The following PGCKA1 variants were observed in gnomAD, a reference collection of about 807,000 sequenced individuals.
PGCKA1 encodes the protein PDCD10 and GCKIII kinases associated 1.
At chr4:37,548,191 G>A in the PGCKA1 span, among the ~76,000 whole-genome samples, 1 of 151,664 alleles carries the variant, frequency 6.6e-6, no homozygotes, top group African/African-American at 2.4e-5. Context: ...ATAAAAAAAA[G>A]TTATGCAAAA....
chr4:37,570,278 A>G, the PGCKA1 span, among the ~76,000 whole-genome samples: 1 of 150,856 alleles, frequency 6.6e-6, no homozygotes, highest in Non-Finnish European at 1.5e-5. Context: ...GATTACAGGC[A>G]TGAGCCACCG....
the PGCKA1 span, among the ~76,000 whole-genome samples, chr4:37,538,086 C>CACACACAT: frequency 6.6e-6 from 1 of 151,888 alleles, no homozygotes; most frequent in African/African-American, 2.4e-5. Context: ...CACACACACA[C>CACACACAT]GCACACCCAT....
At chr4:37,553,578 A>G in the PGCKA1 span, among the ~76,000 whole-genome samples, 2 of 152,244 alleles carry the variant, frequency 1.3e-5, no homozygotes, top group Non-Finnish European at 2.9e-5. Context: ...CCATTATCTT[A>G]CGTAACACAA....
At chr4:37,500,126 G>A in the PGCKA1 span, among the ~76,000 whole-genome samples, 1 of 151,938 alleles carries the variant, frequency 6.6e-6, no homozygotes, top group Non-Finnish European at 1.5e-5. Context: ...GGGTTTCACT[G>A]TGTTAGCCAG....
chr4:37,506,314 T>G, the PGCKA1 span, among the ~76,000 whole-genome samples: 1 of 152,154 alleles, frequency 6.6e-6, no homozygotes, highest in East Asian at 1.9e-4. Context: ...TCTTCTAATT[T>G]TGGGGTGGTT....
the PGCKA1 span, among the ~76,000 whole-genome samples, chr4:37,522,159 T>A: frequency 2.2e-4 from 34 of 152,262 alleles, no homozygotes; most frequent in African/African-American, 7.9e-4. Context: ...GTCCTTTTGT[T>A]CAGGGCAGCA....
At chr4:37,462,075 C>T in the PGCKA1 span, among the ~76,000 whole-genome samples, 1 of 150,676 alleles carries the variant, frequency 6.6e-6, no homozygotes, top group East Asian at 1.9e-4. Context: ...AAGGCAGCTT[C>T]CCCCATTCCT....
At chr4:37,465,272 A>G in the PGCKA1 span, among the ~76,000 whole-genome samples, 2 of 152,070 alleles carry the variant, frequency 1.3e-5, no homozygotes, top group Non-Finnish European at 2.9e-5. Context: ...TAAAACCTAA[A>G]TACCCTTTTA....
the PGCKA1 span, among the ~76,000 whole-genome samples, chr4:37,556,420 A>G: frequency 6.6e-6 from 1 of 150,772 alleles, no homozygotes; most frequent in African/African-American, 2.5e-5. Flanking sequence ...GGCACCTGCC[A>G]CCACACCAGG....
chr4:37,539,916 C>T, the PGCKA1 span, among the ~76,000 whole-genome samples: 560 of 152,172 alleles, frequency 3.7e-3, 4 homozygotes, highest in African/African-American at 0.012. Flanking sequence ...TGCAACAGCA[C>T]GCATTTATCA....
At chr4:37,512,410 T>C in the PGCKA1 span, among the ~76,000 whole-genome samples, 1 of 151,974 alleles carries the variant, frequency 6.6e-6, no homozygotes, top group African/African-American at 2.4e-5. Flanking sequence ...TTTCCAAATG[T>C]TTCCTGTGAG....
chr4:37,473,446 T>C, the PGCKA1 span, among the ~76,000 whole-genome samples: 1 of 152,202 alleles, frequency 6.6e-6, no homozygotes, highest in Non-Finnish European at 1.5e-5. Context: ...CTGTATTTAA[T>C]GCTATATTGA....
At chr4:37,509,555 C>T in the PGCKA1 span, among the ~76,000 whole-genome samples, 3 of 151,860 alleles carry the variant, frequency 2.0e-5, no homozygotes, top group African/African-American at 7.2e-5. Flanking sequence ...ACTTCCCAGA[C>T]GGGGTGGCGG....
the PGCKA1 span, chr4:37,590,408 A>G: frequency 1.2e-6 from 2 of 1,613,586 alleles, no homozygotes; most frequent in South Asian, 1.1e-5. Context: ...CCCACCCAGG[A>G]TGACAGGGGC....
chr4:37,509,898 G>C, the PGCKA1 span, among the ~76,000 whole-genome samples: 39 of 150,754 alleles, frequency 2.6e-4, no homozygotes, highest in African/African-American at 8.8e-4. Flanking sequence ...GTTGCAGTGA[G>C]CCGAGATGGT....
At chr4:37,580,824 T>A in the PGCKA1 span, among the ~76,000 whole-genome samples, 1 of 152,200 alleles carries the variant, frequency 6.6e-6, no homozygotes, top group Non-Finnish European at 1.5e-5. Context: ...CAGCCAGGCT[T>A]GTGTCCTTCC....
At chr4:37,456,129 T>C in the PGCKA1 span, among the ~76,000 whole-genome samples, 1 of 152,144 alleles carries the variant, frequency 6.6e-6, no homozygotes, top group Non-Finnish European at 1.5e-5. Context: ...ACTTTGTAGG[T>C]GTGTAGAAAA....
the PGCKA1 span, among the ~76,000 whole-genome samples, chr4:37,500,108 T>A: frequency 6.6e-6 from 1 of 151,988 alleles, no homozygotes; most frequent in African/African-American, 2.4e-5. Context: ...GCATTTTTAG[T>A]AGAGACAGGG....
chr4:37,536,710 A>G, the PGCKA1 span, among the ~76,000 whole-genome samples: 3 of 152,214 alleles, frequency 2.0e-5, no homozygotes, highest in Non-Finnish European at 4.4e-5. Context: ...TATCTATTGC[A>G]ACTACTCAAC....
Sources: allele counts gnomAD v4.1 joint callset (sites outside exome capture counted in the v4.1 genomes callset), GRCh38; gene constraint gnomAD v4.1.1; transcripts MANE v1.5; gene names NCBI Gene and HGNC (gene_info 2026-07-23, HGNC 2026-07-21).